Variants in EHBP1 observed in about 807,000 individuals in gnomAD.
The protein encoded by EHBP1 is EH domain-binding protein 1.
A neutral mutation model predicts 144.0 loss-of-function variants in EHBP1; 55 were observed. The observed-to-expected ratio is 0.38, with a 90% CI of 0.31 to 0.48. EHBP1 has a LOEUF of 0.48. Ranked by LOEUF, EHBP1 falls within the 20% of genes least tolerant of loss-of-function variation. The pLI is 0.98. For synonymous variants in EHBP1, 469 were observed against 472.7 expected, an observed-to-expected ratio of 0.99 and a Z score of 0.10; for missense variants, 1,200 against 1,364.2, an observed-to-expected ratio of 0.88 and a Z score of 1.90.
chr2:62,863,047 C>T (rs1489229798), intron 8 of EHBP1, among the ~76,000 whole-genome samples: 1 of 152,186 alleles, frequency 6.6e-6, no homozygotes, highest in African/African-American at 2.4e-5. Context: ...CTTTGGGAGG[C>T]TGAGGCAGGT....
rs1393463626 is a variant in EHBP1, at chr2:62,837,445, C to A, written c.634+6287C>A. Among the ~76,000 whole-genome samples, 114 of 151,492 alleles carry A rather than the reference C, an allele frequency of 7.5e-4. 2 individuals are homozygous for A. In the South Asian group the frequency reaches 0.023, roughly 31 times the overall value. On this transcript the variant is annotated intron_variant, in intron 7 of 22. Coordinates refer to ENST00000431489, the MANE Select transcript of EHBP1 (RefSeq NM_001142616.3). The stretch of plus-strand genomic sequence containing the variant: ...AACTGCATCAACTAACAAGCAAAAT[C>A]ACCAGCTAACATCATAATGACAGGA...
intron 10 of EHBP1, among the ~76,000 whole-genome samples, chr2:62,877,981 A>T (rs2051035958): frequency 6.6e-6 from 1 of 152,218 alleles, no homozygotes; most frequent in Non-Finnish European, 1.5e-5. Flanking sequence ...CTTCAGCCAA[A>T]ATCAGAGCTG....
chr2:62,856,577 G>A (rs1217284750), intron 7 of EHBP1, among the ~76,000 whole-genome samples: 4 of 152,224 alleles, frequency 2.6e-5, no homozygotes, highest in South Asian at 2.1e-4. Context: ...GGTCAGTAGC[G>A]TGAGCCAAGT....
intron 1 of EHBP1, among the ~76,000 whole-genome samples, chr2:62,680,500 T>C (rs1271849048): frequency 5.3e-5 from 8 of 152,062 alleles, no homozygotes; most frequent in Admixed American, 3.9e-4. Context: ...CATCAGCAGA[T>C]TGAAGGGGGG....
intron 2 of EHBP1, among the ~76,000 whole-genome samples, chr2:62,721,897 G>T (rs1371896787): frequency 6.6e-6 from 1 of 152,026 alleles, no homozygotes; most frequent in Non-Finnish European, 1.5e-5. Context: ...TTTTTAAAAA[G>T]AACCTTTATT....
At chr2:62,715,430 C>A (rs1481895982) in intron 2 of EHBP1, among the ~76,000 whole-genome samples, 1 of 151,688 alleles carries the variant, frequency 6.6e-6, no homozygotes, top group Non-Finnish European at 1.5e-5. Context: ...CCGTGCCAAG[C>A]CATTTTATGA....
At chr2:63,038,883 A>G (rs1244465868) in intron 21 of EHBP1, 67 bp downstream of exon 21, 1 of 1,449,602 alleles carries the variant, frequency 6.9e-7, no homozygotes. Flanking sequence ...AAAGAATATA[A>G]TACACTTCTG....
At chr2:62,972,039 T>G (rs991334495) in intron 14 of EHBP1, among the ~76,000 whole-genome samples, 1 of 152,210 alleles carries the variant, frequency 6.6e-6, no homozygotes, top group African/African-American at 2.4e-5. Context: ...GTTTCCTATG[T>G]ATTGGATTTT....
chr2:62,813,703 A>G (rs1015546530), intron 5 of EHBP1, among the ~76,000 whole-genome samples: 20 of 152,216 alleles, frequency 1.3e-4, no homozygotes, highest in African/African-American at 4.8e-4. Context: ...AGGATGTGGA[A>G]TGTGGAGCCA....
chr2:62,942,575 A>G, intron 10 of EHBP1, 143 bp from the exon 11 acceptor site: 1 of 601,122 alleles, frequency 1.7e-6, no homozygotes, highest in African/African-American at 1.9e-5. Context: ...TCCCTCTTGG[A>G]GGTTACAGTT....
intron 19 of EHBP1, among the ~76,000 whole-genome samples, chr2:63,001,013 A>G (rs1040598009): frequency 3.3e-5 from 5 of 152,188 alleles, no homozygotes; most frequent in African/African-American, 4.8e-5. Flanking sequence ...GTTGTAACCC[A>G]TGAAAAATGG....
At chr2:62,875,790 A>G (rs1390956790) in intron 10 of EHBP1, among the ~76,000 whole-genome samples, 1 of 152,220 alleles carries the variant, frequency 6.6e-6, no homozygotes, top group African/African-American at 2.4e-5. Context: ...GAAAGAACCA[A>G]AATTATCTGA....
intron 7 of EHBP1, among the ~76,000 whole-genome samples, chr2:62,854,888 C>T (rs966532449): frequency 6.6e-6 from 1 of 152,182 alleles, no homozygotes; most frequent in Admixed American, 6.5e-5. Flanking sequence ...TGAGTTGGGG[C>T]TGGAGCTCCC....
intron 5 of EHBP1, among the ~76,000 whole-genome samples, chr2:62,806,279 C>T (rs921902531): frequency 1.3e-5 from 2 of 152,164 alleles, no homozygotes; most frequent in African/African-American, 4.8e-5. Context: ...CCACTGTGCC[C>T]AGCCAGTTAC....
chr2:62,806,521 C>T (rs763272830), intron 5 of EHBP1, among the ~76,000 whole-genome samples: 4 of 151,956 alleles, frequency 2.6e-5, no homozygotes, highest in Non-Finnish European at 2.9e-5. Flanking sequence ...TAGGCATGCA[C>T]GACCACACCC....
At chr2:62,919,155 C>T (rs557390401) in intron 10 of EHBP1, among the ~76,000 whole-genome samples, 2 of 152,284 alleles carry the variant, frequency 1.3e-5, no homozygotes, top group Admixed American at 1.3e-4. Flanking sequence ...TCTCTTATTG[C>T]TGATTGCTGC....
At position 62,744,733 on chromosome 2, in the gene EHBP1, T is replaced by C. The variant is rs1235521271; in HGVS notation, c.105-2662T>C. The stretch of plus-strand genomic sequence containing the variant: ...GCTTTTTTATGCTAAAAAGCTTTCA[T>C]TTTCTGAAGCACTGAGATGCGTTAA... On this transcript the variant is annotated intron_variant, in intron 2 of 22. Transcript: ENST00000431489. Among the ~76,000 whole-genome samples, 3 of 152,092 alleles carry C rather than the reference T, an allele frequency of 2.0e-5. No homozygotes were observed. The East Asian group carries it at 5.8e-4, about 29-fold the overall frequency.
At chr2:63,015,407 T>C (rs546444519) in intron 19 of EHBP1, among the ~76,000 whole-genome samples, 1 of 152,346 alleles carries the variant, frequency 6.6e-6, no homozygotes, top group Admixed American at 6.5e-5. Context: ...TTTAGTGTGC[T>C]ATTTCTATGT....
At chr2:62,928,528 G>T (rs1307601493) in intron 10 of EHBP1, among the ~76,000 whole-genome samples, 2 of 152,072 alleles carry the variant, frequency 1.3e-5, no homozygotes, top group Admixed American at 6.6e-5. Context: ...AGAGCAAATT[G>T]TAATGGAAGA....
Sources: gnomAD v4.1 joint callset for allele counts (sites outside exome capture counted in the v4.1 genomes callset) on GRCh38, gnomAD v4.1.1 for gene constraint, MANE v1.5 for transcripts, NCBI Gene and HGNC (gene_info 2026-07-23, HGNC 2026-07-21) for gene names.